Variants in LRP1B observed in about 807,000 individuals in gnomAD.
LRP1B encodes LDL receptor related protein 1B, also known as low-density lipoprotein receptor-related protein 1B.
Under a neutral mutation model 556.6 loss-of-function variants are expected in LRP1B, and 217 were observed. The ratio of observed to expected loss-of-function variants is 0.39; its 90% CI spans 0.35 to 0.44. LRP1B has a LOEUF of 0.44. LRP1B is among the 20% of genes least tolerant of loss of function. The pLI is 1.00. For synonymous variants in LRP1B, 2,047 were observed against 1,865.8 expected (o/e 1.10, Z -2.50); for missense variants, 5,053 against 5,620.8 (o/e 0.90, Z 3.23).
rs146132668 is a variant in LRP1B at position 141,117,790 on chromosome 2, G to A, written c.1014-55517C>T. 4.4e-3 allele frequency among the ~76,000 whole-genome samples: 664 copies of A among 151,964 alleles called. 9 individuals are homozygous for A. Among genetic ancestry groups the A allele is most frequent in the African/African-American group, 0.015 (630 of 41,514 alleles). On this transcript the variant is annotated intron_variant, in intron 7 of 90. Transcript: ENST00000389484. ...AAATCATGCAAGTTTGAAAAATATC[G>A]AGGCAATGGGTCATTCCCTGGCATG...
rs141991975 is a variant in LRP1B at position 140,370,747 on chromosome 2, G to A, written c.10971C>T (p.Asp3657=). Reference sequence around the variant, plus strand: ...TCTCTTCATCACTGCCATCCACACAGTCATGAATTCCATCACACAGCCATC... The same window carrying A: ...TCTCTTCATCACTGCCATCCACACAATCATGAATTCCATCACACAGCCATC... ...PIRWLCDGIH[D]CVDGSDEENC... The change falls in exon 71 of 91, where the codon GAC becomes GAT. Residue 3657 remains aspartate, a synonymous_variant. Coordinates refer to ENST00000389484, the MANE Select transcript of LRP1B (RefSeq NM_018557.3). 6.2e-7 allele frequency: 1 copy of A among 1,612,770 alleles called. No homozygotes were observed. Among genetic ancestry groups the A allele is most frequent in the Non-Finnish European group, 8.5e-7 (1 of 1,179,164 alleles).
chr2:141,618,101 A>G (rs190385051), intron 2 of LRP1B, among the ~76,000 whole-genome samples: 1 of 152,296 alleles, frequency 6.6e-6, no homozygotes, highest in Admixed American at 6.5e-5. Context: ...TCTTATGGGC[A>G]TGTATGTATT....
chr2:141,806,042 T>G (rs148884008), intron 2 of LRP1B, among the ~76,000 whole-genome samples: 423 of 152,182 alleles, frequency 2.8e-3, no homozygotes, highest in African/African-American at 9.6e-3. Flanking sequence ...GCTAATACCT[T>G]CCTTTCTTAA....
At position 140,456,600 on chromosome 2, in the gene LRP1B, G is replaced by T. The variant is rs1434359732; in HGVS notation, c.9818C>A (p.Ser3273Tyr). Residue 3273 changes from serine to tyrosine, a missense_variant, in exon 62 of 91, where the codon TCC becomes TAC. By Grantham distance (144) the Ser-to-Tyr change is moderately radical. Around this residue, in one of 5 missense-constraint regions of LRP1B, gnomAD observed 262 missense variants for 395.1 expected, o/e 0.66. Transcript: ENST00000389484. ...ATTATTTATCATGCAGAGATGTTTG[G>T]AGACTAAAGATAAGAAAGAAACAAC... Reference protein sequence around the residue: ...VYHSYRQPDVSKHLCMINNGG... With the variant: ...VYHSYRQPDVYKHLCMINNGG... 1.2e-6 allele frequency: 2 copies of T among 1,606,910 alleles called. No homozygotes were observed. The highest frequency in any genetic ancestry group is 8.5e-7 in the Non-Finnish European group (1 of 1,176,408).
At chr2:141,732,991 A>T (rs993440471) in intron 2 of LRP1B, among the ~76,000 whole-genome samples, 2 of 152,072 alleles carry the variant, frequency 1.3e-5, no homozygotes, top group Admixed American at 1.3e-4. Context: ...GGCAGCCTAG[A>T]ATATTTTATA....
chr2:142,078,438 A>G (rs754103880), intron 1 of LRP1B, among the ~76,000 whole-genome samples: 16 of 152,222 alleles, frequency 1.1e-4, no homozygotes, highest in Non-Finnish European at 1.8e-4. Context: ...TCATTGATCA[A>G]TTGTACAGTA....
chr2:140,531,368 C>T (rs1690684158), intron 47 of LRP1B, among the ~76,000 whole-genome samples: 1 of 152,128 alleles, frequency 6.6e-6, no homozygotes. Flanking sequence ...TTATTTCTCT[C>T]CGCTTACTTC....
rs1435993222 is a variant in LRP1B, at chr2:140,903,142, C to T, written c.3544G>A (p.Gly1182Ser). ...ACAACAGAACAGTGGTTGCTACAGC[C>T]TCCATTGTTCAGCGAACACTCATCT... ...LCDECSLNNG[G>S]CSNHCSVVPG... The change falls in exon 23 of 91, where the codon GGC (glycine) becomes AGC (serine). Residue 1182 changes from glycine to serine, a missense_variant. Transcript: ENST00000389484. 2.5e-6 allele frequency: 4 copies of T among 1,613,176 alleles called. No individual in the cohort carries two copies. The African/African-American group carries it at 4.0e-5, about 16-fold the overall frequency.
At chr2:141,840,875 CATA>C (rs1697445680) in intron 1 of LRP1B, among the ~76,000 whole-genome samples, 2 of 149,236 alleles carry the variant, frequency 1.3e-5, no homozygotes, top group East Asian at 4.0e-4. Flanking sequence ...AATCATATTT[CATA>C]ATAAGTACCT....
chr2:140,726,686 T>A (rs1687606007), intron 35 of LRP1B, among the ~76,000 whole-genome samples: 1 of 152,196 alleles, frequency 6.6e-6, no homozygotes, highest in Non-Finnish European at 1.5e-5. Context: ...TATATAGATA[T>A]TGTGAGCTCT....
At chr2:140,856,781 A>G (rs922538256) in intron 27 of LRP1B, among the ~76,000 whole-genome samples, 1 of 147,646 alleles carries the variant, frequency 6.8e-6, no homozygotes, top group Non-Finnish European at 1.5e-5. Context: ...ACACACACAC[A>G]TTGTTTTTTC....
intron 35 of LRP1B, among the ~76,000 whole-genome samples, chr2:140,721,699 C>A (rs1469694009): frequency 6.8e-6 from 1 of 146,160 alleles, no homozygotes; most frequent in African/African-American, 2.5e-5. Context: ...AGGCGCCCAC[C>A]AGCACACCCG....
intron 83 of LRP1B, among the ~76,000 whole-genome samples, chr2:140,304,421 AT>A (rs1223480600): frequency 2.6e-5 from 4 of 151,914 alleles, no homozygotes; most frequent in Non-Finnish European, 4.4e-5. Context: ...GATGATGAGC[AT>A]TTTTTCATGT....
chr2:140,609,931 T>C (rs1683008128), intron 41 of LRP1B, among the ~76,000 whole-genome samples: 1 of 152,200 alleles, frequency 6.6e-6, no homozygotes, highest in Non-Finnish European at 1.5e-5. Flanking sequence ...GAATAAAATG[T>C]GGTTTACTCC....
chr2:140,810,684 A>G (rs1380966168), intron 32 of LRP1B, among the ~76,000 whole-genome samples: 1 of 152,136 alleles, frequency 6.6e-6, no homozygotes, highest in Non-Finnish European at 1.5e-5. Flanking sequence ...TCAGACTGCT[A>G]GGTGTATTTT....
chr2:142,091,066 A>T (rs543885794), intron 1 of LRP1B, among the ~76,000 whole-genome samples: 12 of 152,100 alleles, frequency 7.9e-5, no homozygotes, highest in African/African-American at 2.7e-4. Flanking sequence ...TTTTTTGATT[A>T]ATCACTAAGT....
At chr2:141,039,457 C>T (rs1698634232) in intron 11 of LRP1B, among the ~76,000 whole-genome samples, 1 of 151,980 alleles carries the variant, frequency 6.6e-6, no homozygotes, top group Non-Finnish European at 1.5e-5. Flanking sequence ...CAGGTATCCA[C>T]TGAGGGTTTT....
At chr2:140,765,781 A>G (rs994086373) in intron 35 of LRP1B, among the ~76,000 whole-genome samples, 1 of 152,154 alleles carries the variant, frequency 6.6e-6, no homozygotes, top group African/African-American at 2.4e-5. Context: ...TTGAGAATAC[A>G]TTCTTTCTGT....
chr2:141,637,785 G>A (rs1209350238), intron 2 of LRP1B, among the ~76,000 whole-genome samples: 3 of 152,196 alleles, frequency 2.0e-5, no homozygotes, highest in Non-Finnish European at 4.4e-5. Context: ...ACACTGAAAT[G>A]TAATCCCCAA....
Sources: gnomAD v4.1 joint callset for allele counts (sites outside exome capture counted in the v4.1 genomes callset) on GRCh38, gnomAD v4.1.1 for gene constraint, gnomAD v4.1.1 regional missense constraint, MANE v1.5 for transcripts, NCBI Gene and HGNC (gene_info 2026-07-23, HGNC 2026-07-21) for gene names.